The following MAD2L2 variants were observed in gnomAD, a reference collection of about 807,000 sequenced individuals.
MAD2L2 encodes mitotic arrest deficient 2 like 2, also known as mitotic spindle assembly checkpoint protein MAD2B.
Under a neutral mutation model 30.5 loss-of-function variants are expected in MAD2L2, and 17 were observed. That is an observed-to-expected ratio of 0.56 (90% CI 0.38 to 0.84). The LOEUF is 0.84. Ranked by LOEUF, MAD2L2 falls within the 40% of genes least tolerant of loss-of-function variation. MAD2L2 has a pLI of 0.00. For missense variants in MAD2L2, 213 were observed against 277.4 expected (o/e 0.77, Z 1.65); for synonymous variants, 101 against 113.9 (o/e 0.89, Z 0.72).
In MAD2L2 at chr1:11,676,030, TG is replaced by T. The variant is rs753237679; in HGVS notation, c.427+15del. Reference sequence around the variant, plus strand: ...ATGGAAATGCCAAGGGAAGAGAGGGTGGGGAGTGGACACACCTGGGGGGTTG... The same window carrying T: ...ATGGAAATGCCAAGGGAAGAGAGGGTGGGAGTGGACACACCTGGGGGGTTG... On this transcript the variant is annotated intron_variant, in intron 6 of 8. Transcript: ENST00000376692. The T allele has an allele frequency of 6.2e-7, 1 of 1,602,012 alleles. No homozygotes were observed. The highest frequency in any genetic ancestry group is 2.2e-5 in the East Asian group (1 of 44,710).
In MAD2L2 at chr1:11,680,408, T is replaced by C. The variant is rs762440840; in HGVS notation, c.104A>G (p.Glu35Gly). The C allele has an allele frequency of 1.2e-6, 2 of 1,613,976 alleles. No homozygotes were observed. The highest frequency in any genetic ancestry group is 2.2e-5 in the South Asian group (2 of 91,070). ...CTGGAAGATGCCCACGGGGTAGACC[T>C]CGCGCACGTAGAGGATGAGATGCAC... is the stretch of plus-strand genomic sequence containing the variant. The part of the protein sequence containing the change: ...VAVHLILYVR[E>G]VYPVGIFQKR... Residue 35 changes from glutamate to glycine, a missense_variant, in exon 3 of 9, where the codon GAG becomes GGG. By Grantham distance (98) the Glu-to-Gly change is moderately conservative (BLOSUM62 -2). Transcript: ENST00000376692.
chr1:11,680,883 G>A (rs1640863210), intron 1 of MAD2L2, 156 bp downstream of exon 1: 1 of 848,524 alleles, frequency 1.2e-6, no homozygotes. Flanking sequence ...GAAAAGGGCA[G>A]GGCCGCGGAC....
intron 6 of MAD2L2, 62 bp from the exon 7 acceptor site, chr1:11,675,793 G>T: frequency 7.3e-7 from 1 of 1,368,188 alleles, no homozygotes; most frequent in Non-Finnish European, 1.0e-6. Flanking sequence ...ACTGGGCCCA[G>T]CCTCTTCCCA....
intron 5 of MAD2L2, 172 bp downstream of exon 5, chr1:11,676,676 C>T: frequency 1.5e-6 from 1 of 648,004 alleles, no homozygotes; most frequent in Non-Finnish European, 2.8e-6. Context: ...CATGTCATCT[C>T]TCTGGACCCA....
intron 7 of MAD2L2, 66 bp downstream of exon 7, chr1:11,675,592 C>T (rs1303373751): frequency 4.0e-6 from 6 of 1,498,416 alleles, no homozygotes; most frequent in Admixed American, 1.7e-5. Context: ...AGTGCCCCTG[C>T]CCGCCTGGAA....
rs114220573 is a variant in MAD2L2, at chr1:11,690,472, T to C, written c.-692+941A>G. 3.0e-3 allele frequency among the ~76,000 whole-genome samples: 454 copies of C among 152,256 alleles called. 1 individual carries two copies. Among genetic ancestry groups the C allele is most frequent in the Non-Finnish European group, 4.9e-3 (336 of 68,022 alleles). On this transcript the variant is annotated intron_variant, in intron 1 of 10. Coordinates refer to the MAD2L2 transcript ENST00000235310. The surrounding 1 kb of genome is among the most constrained non-coding windows in gnomAD (Gnocchi z 4.2). ...TGCATTCACGCCTAGAACACTGAAATTTAGGTATAATCATGAGCTCAGAGG... is the reference window on the plus strand; with the variant it reads ...TGCATTCACGCCTAGAACACTGAAACTTAGGTATAATCATGAGCTCAGAGG...
intron 3 of MAD2L2, 60 bp downstream of exon 3, chr1:11,680,293 A>C (rs1335420339): frequency 7.0e-7 from 1 of 1,433,904 alleles, no homozygotes; most frequent in Non-Finnish European, 9.7e-7. Flanking sequence ...ACGGCGCCCG[A>C]CCAAAGAATT....
chr1:11,675,495 G>A lies in MAD2L2; in HGVS notation c.501+163C>T, dbSNP rs578022945. Among the ~76,000 whole-genome samples the A allele has an allele frequency of 3.5e-4, 54 of 152,344 alleles. 1 individual carries two copies. The South Asian group carries it at 5.2e-3, about 15-fold the overall frequency. The stretch of plus-strand genomic sequence containing the variant: ...CCACCTGGGCTCCTCACTGCCCCAA[G>A]TGCCCAGATGGAGCAGTGGACAGGC... On this transcript the variant is annotated intron_variant, in intron 7 of 8. Coordinates refer to ENST00000376692, the MANE Select transcript of MAD2L2 (RefSeq NM_006341.4).
At chr1:11,681,221 C>T (rs1311649871), upstream of MAD2L2, 2 of 152,252 alleles carry the variant, frequency 1.3e-5, no homozygotes, top group African/African-American at 4.8e-5. Flanking sequence ...ACGGCCCAAA[C>T]CGGGCCTCGC....
Position 11,676,048 on chromosome 1 carries a change from G to T in MAD2L2, c.425C>A (p.Pro142Gln). The T allele has an allele frequency of 1.2e-6, 2 of 1,611,608 alleles. No homozygotes were observed. Among genetic ancestry groups the T allele is most frequent in the Non-Finnish European group, 1.7e-6 (2 of 1,178,080 alleles). Residue 142 changes from proline (P) to glutamine (Q), a missense_variant and splice_region_variant, in exon 6 of 9, where the codon CCA (proline) becomes CAA (glutamine). By Grantham distance (76) the Pro-to-Gln change is moderately conservative. Coordinates refer to ENST00000376692, the MANE Select transcript of MAD2L2 (RefSeq NM_006341.4). ...GAGAGGGTGGGGAGTGGACACACCT[G>T]GGGGGTTGTGGTCCAGGACGGCATC... ...VCDAVLDHNP[P>Q]GCTFTVLVHT... is the part of the protein sequence containing the mutation.
At position 11,690,704 on chromosome 1, in the gene MAD2L2, C is replaced by G. The variant is rs750781291; in HGVS notation, c.-692+709G>C. Reference sequence around the variant, plus strand: ...CACATATGGGAGTCCGGCCCCATCGCTCTTTGATCTTTGCAGCGTCCGTGG... The same window carrying G: ...CACATATGGGAGTCCGGCCCCATCGGTCTTTGATCTTTGCAGCGTCCGTGG... On this transcript the variant is annotated intron_variant, in intron 1 of 10. Coordinates refer to the MAD2L2 transcript ENST00000235310. The surrounding 1 kb of genome is among the most constrained non-coding windows in gnomAD (Gnocchi z 4.2). 6.6e-6 allele frequency among the ~76,000 whole-genome samples: 1 copy of G among 152,204 alleles called. No homozygotes were observed. Among genetic ancestry groups the G allele is most frequent in the Non-Finnish European group, 1.5e-5 (1 of 68,020 alleles).
At position 11,675,142 on chromosome 1, in the gene MAD2L2, A is replaced by C; in HGVS notation, c.534T>G (p.Asp178Glu). The C allele has an allele frequency of 6.2e-7, 1 of 1,604,136 alleles. No homozygotes were observed. Among genetic ancestry groups the C allele is most frequent in the Non-Finnish European group, 8.5e-7 (1 of 1,174,592 alleles). Residue 178 changes from aspartate to glutamate, a missense_variant, in exon 8 of 9, where the codon GAT becomes GAG. Physicochemically the swap from Asp to Glu is conservative, Grantham distance 45. Transcript: ENST00000376692. ...TCAGCCGGGGGTCATGCATGTGGAC[A>C]TCCTGCTCATCCGCCAGGATCCAGG... ...DFPWILADEQ[D>E]VHMHDPRLIP... is the part of the protein sequence containing the mutation.
At chr1:11,684,319 G>A (rs1640925325), upstream of MAD2L2, among the ~76,000 whole-genome samples, 1 of 152,160 alleles carries the variant, frequency 6.6e-6, no homozygotes, top group Admixed American at 6.5e-5. Flanking sequence ...TTACATTATG[G>A]GGTTAATTTA....
Position 11,675,114 on chromosome 1 carries a change from G to GT in MAD2L2, c.561dup (p.Pro188ThrfsTer22), listed in dbSNP as rs1393009133. The stretch of plus-strand genomic sequence containing the variant: ...ATGTCCGACGTCATGGTTTTTAGTG[G>GT]TATCAGCCGGGGGTCATGCATGTGG... On this transcript the variant is annotated frameshift_variant, in exon 8 of 9. Transcript: ENST00000376692. LOFTEE classifies it high-confidence loss of function. The GT allele has an allele frequency of 1.2e-6, 2 of 1,601,912 alleles. No homozygotes were observed. The highest frequency in any genetic ancestry group is 1.7e-6 in the Non-Finnish European group (2 of 1,173,756).
At chr1:11,682,670 C>T (rs1168368361), upstream of MAD2L2, among the ~76,000 whole-genome samples, 1 of 152,114 alleles carries the variant, frequency 6.6e-6, no homozygotes, top group Non-Finnish European at 1.5e-5. Context: ...AGGGCACTGG[C>T]CCTTTAACAA....
chr1:11,680,734 G>C, intron 1 of MAD2L2, 121 bp from the exon 2 acceptor site: 1 of 1,435,698 alleles, frequency 7.0e-7, no homozygotes, highest in East Asian at 2.6e-5. Flanking sequence ...CTCCCGCTTC[G>C]CACAGGCTCA....
At position 11,676,007 on chromosome 1, in the gene MAD2L2, G is replaced by C. The variant is rs757891395; in HGVS notation, c.427+39C>G. ...ACACAGACCAACCCGAGATAACCAT[G>C]GAAATGCCAAGGGAAGAGAGGGTGG... On this transcript the variant is annotated intron_variant, in intron 6 of 8. Transcript: ENST00000376692. 22 of 1,550,286 alleles carry C rather than the reference G, an allele frequency of 1.4e-5. No individual in the cohort carries two copies. The Middle Eastern group carries it at 8.4e-4, about 59-fold the overall frequency.
chr1:11,681,563 G>A (rs1640881138), upstream of MAD2L2: 2 of 152,398 alleles, frequency 1.3e-5, no homozygotes, highest in South Asian at 4.1e-4. Flanking sequence ...CGGGAACAGG[G>A]GAGGACAGGA....
At chr1:11,685,298 G>GTGA (rs2100717970), upstream of MAD2L2, among the ~76,000 whole-genome samples, 1 of 152,348 alleles carries the variant, frequency 6.6e-6, no homozygotes, top group African/African-American at 2.4e-5. Context: ...GAGGAATGAA[G>GTGA]TGATGGTGGA....
Sources: gnomAD v4.1 joint callset for allele counts (sites outside exome capture counted in the v4.1 genomes callset) on GRCh38, gnomAD v4.1.1 for gene constraint, Gnocchi (gnomAD v3.1) non-coding constraint, MANE v1.5 for transcripts, NCBI Gene and HGNC (gene_info 2026-07-23, HGNC 2026-07-21) for gene names.